TFDP2: variants seen among roughly 807,000 people sequenced by gnomAD.
TFDP2 encodes transcription factor Dp-2 (E2F dimerization partner 2).
TFDP2 carries 17 observed loss-of-function variants against 59.3 expected under a neutral mutation model. The ratio of observed to expected loss-of-function variants is 0.29; its 90% confidence interval spans 0.20 to 0.43. The LOEUF (loss-of-function observed/expected upper bound fraction) is 0.43. TFDP2 is among the 20% of genes least tolerant of loss of function. The pLI is 1.00. For missense variants in TFDP2, 391 were observed against 528.8 expected, an observed-to-expected ratio of 0.74 and a Z score of 2.56; for synonymous variants, 180 against 194.7, an observed-to-expected ratio of 0.92 and a Z score of 0.63.
intron 9 of TFDP2, among the ~76,000 whole-genome samples, chr3:141,968,677 C>G (rs1246651242): frequency 9.8e-6 from 1 of 102,206 alleles, no homozygotes; most frequent in Non-Finnish European, 1.8e-5. Context: ...ACATATATAT[C>G]TCATATATAG....
chr3:141,990,164 G>A (rs981668170), intron 6 of TFDP2, among the ~76,000 whole-genome samples: 3 of 152,170 alleles, frequency 2.0e-5, no homozygotes. Flanking sequence ...AAAGTACTGG[G>A]ATTACAGGCG....
intron 1 of TFDP2, among the ~76,000 whole-genome samples, chr3:142,113,313 C>CAGTG (rs1457352832): frequency 6.6e-6 from 1 of 152,044 alleles, no homozygotes; most frequent in Non-Finnish European, 1.5e-5. Context: ...GAATGGAGTG[C>CAGTG]AGTGGCATGA....
At position 142,093,146 on chromosome 3, in the gene TFDP2, A is replaced by G. The variant is rs1438325283; in HGVS notation, c.16-19T>C. ...AACCAACCTGAATAAAACCGTTTAA[A>G]AAGTTAAAAATAGAATATTAAGTAG... On this transcript the variant is annotated intron_variant, in intron 2 of 12. Transcript: ENST00000489671. The G allele has an allele frequency of 2.6e-6, 4 of 1,517,286 alleles. No homozygotes were observed. The highest frequency in any genetic ancestry group is 1.7e-4 in the Middle Eastern group (1 of 5,906). 94.0% of individuals were successfully genotyped at this position (1,517,286 alleles called of 1,614,324 possible).
intron 3 of TFDP2, among the ~76,000 whole-genome samples, chr3:142,012,854 T>C (rs11569182): frequency 2.0e-5 from 3 of 152,080 alleles, no homozygotes; most frequent in African/African-American, 7.2e-5. Flanking sequence ...TAAAAGCTAC[T>C]GTTGCCAGGC....
At chr3:141,959,624 G>C in intron 11 of TFDP2, 50 bp downstream of exon 11, 1 of 1,575,308 alleles carries the variant, frequency 6.3e-7, no homozygotes. Context: ...TAACAAGTTT[G>C]GATTCAACAT....
At position 142,073,182 on chromosome 3, in the gene TFDP2, G is replaced by C. The variant is rs1049373823; in HGVS notation, c.82+19879C>G. Reference sequence around the variant, plus strand: ...ACTCCTGGGCTCAAGTGATCCTCCCGCCTCAGCCTCCTGAGTAGCTAGGAG... The same window carrying C: ...ACTCCTGGGCTCAAGTGATCCTCCCCCCTCAGCCTCCTGAGTAGCTAGGAG... On this transcript the variant is annotated intron_variant, in intron 3 of 12. Coordinates refer to ENST00000489671, the MANE Select transcript of TFDP2 (RefSeq NM_001178139.2). Among the ~76,000 whole-genome samples the C allele has an allele frequency of 5.3e-5, 8 of 152,212 alleles. No individual in the cohort carries two copies. In the East Asian group the frequency reaches 1.5e-3, roughly 29 times the overall value.
intron 2 of TFDP2, among the ~76,000 whole-genome samples, chr3:142,095,695 A>G (rs2061137901): frequency 6.6e-6 from 1 of 152,230 alleles, no homozygotes; most frequent in African/African-American, 2.4e-5. Context: ...TTGCTCACAA[A>G]TAATGTTAAA....
chr3:141,995,012 A>G lies in TFDP2; in HGVS notation c.308+8T>C. The G allele has an allele frequency of 2.6e-6, 4 of 1,548,708 alleles. No homozygotes were observed. Among genetic ancestry groups the G allele is most frequent in the Non-Finnish European group, 3.5e-6 (4 of 1,149,288 alleles). On this transcript the variant is annotated splice_region_variant and intron_variant, in intron 5 of 12. Coordinates refer to ENST00000489671, the MANE Select transcript of TFDP2 (RefSeq NM_001178139.2). ...GGTTTTAAAAATAGTAACTTGCAAC[A>G]CTCTTACCCAGGGACCCAGCCAGTA... is the stretch of plus-strand genomic sequence containing the variant.
intron 9 of TFDP2, among the ~76,000 whole-genome samples, chr3:141,969,165 CATATATATATATCTCAT>C (rs1939206731): frequency 2.4e-5 from 1 of 41,164 alleles, no homozygotes; most frequent in Non-Finnish European, 4.2e-5. Context: ...ATATATATAA[CATATATATATATCTCAT>C]ATATATGAGA....
chr3:141,997,849 C>CAAAAAAAAAA (rs3058569), intron 4 of TFDP2, among the ~76,000 whole-genome samples: 33 of 83,970 alleles, frequency 3.9e-4, no homozygotes, highest in African/African-American at 5.1e-4. Context: ...GACTCCATCT[C>CAAAAAAAAAA]AAAAAAAAAA....
chr3:141,988,656 A>T (rs1030584919), intron 6 of TFDP2, among the ~76,000 whole-genome samples: 25 of 147,930 alleles, frequency 1.7e-4, no homozygotes, highest in African/African-American at 6.1e-4. Context: ...TGTTTTTAGC[A>T]ATCTTTTCTT....
At chr3:142,020,668 A>G (rs554662722) in intron 3 of TFDP2, among the ~76,000 whole-genome samples, 19 of 147,094 alleles carry the variant, frequency 1.3e-4, no homozygotes, top group Non-Finnish European at 1.6e-4. Flanking sequence ...ATACTCATAT[A>G]CCTTTTTCTT....
intron 2 of TFDP2, among the ~76,000 whole-genome samples, chr3:142,100,765 T>C (rs1161732835): frequency 6.6e-6 from 1 of 152,150 alleles, no homozygotes; most frequent in African/African-American, 2.4e-5. Flanking sequence ...TCCACCATCC[T>C]GGCTGGGGAA....
chr3:142,015,537 CA>C (rs1945065385), intron 3 of TFDP2, among the ~76,000 whole-genome samples: 1 of 152,216 alleles, frequency 6.6e-6, no homozygotes, highest in South Asian at 2.1e-4. Context: ...ATAAGTCCCG[CA>C]AGCTGGATCT....
rs867318565 is a variant in TFDP2, at chr3:141,979,852, G to A, written c.357-1170C>T. Among the ~76,000 whole-genome samples the A allele has an allele frequency of 2.0e-5, 3 of 151,728 alleles. No individual in the cohort carries two copies. In the Middle Eastern group the frequency reaches 0.01, roughly 523 times the overall value. ...GATCTGCCTGCCTCGGCCTCCCAAA[G>A]TGCTGGGATTACAGGCGTGAGCCAC... On this transcript the variant is annotated intron_variant, in intron 6 of 12. Transcript: ENST00000489671.
Position 142,090,432 on chromosome 3 carries a change from G to A in TFDP2, c.82+2629C>T, listed in dbSNP as rs193257340. The stretch of plus-strand genomic sequence containing the variant: ...TTTACTGGTGTTAACATCTGTCCAG[G>A]GCTAACATTTATAACTAGTACTTAC... On this transcript the variant is annotated intron_variant, in intron 3 of 12. Transcript: ENST00000489671. 3.4e-3 allele frequency among the ~76,000 whole-genome samples: 514 copies of A among 152,092 alleles called. 2 individuals carry two copies. Among genetic ancestry groups the A allele is most frequent in the African/African-American group, 0.012 (501 of 41,492 alleles).
intron 10 of TFDP2, among the ~76,000 whole-genome samples, chr3:141,962,020 G>T (rs1470435752): frequency 2.0e-5 from 3 of 151,782 alleles, no homozygotes; most frequent in Non-Finnish European, 2.9e-5. Flanking sequence ...ACAATCTTGG[G>T]TCACTGCAAC....
At chr3:141,969,275 T>G (rs1156843908) in intron 9 of TFDP2, among the ~76,000 whole-genome samples, 10 of 84,468 alleles carry the variant, frequency 1.2e-4, no homozygotes, top group African/African-American at 5.8e-4. Context: ...ATATATGAGA[T>G]ATATATATAT....
At position 142,147,113 on chromosome 3, in the gene TFDP2, C is replaced by A. The variant is rs576014624; in HGVS notation, c.-93+2070G>T. Among the ~76,000 whole-genome samples, 4 of 150,532 alleles carry A rather than the reference C, an allele frequency of 2.7e-5. 1 individual carries two copies. Among genetic ancestry groups the A allele is most frequent in the African/African-American group, 9.8e-5 (4 of 40,978 alleles). ...TATCTTTGCCTCAGAAACTATGACA[C>A]TATAAATAGTCTCTCCAAAAAATAT... is the stretch of plus-strand genomic sequence containing the variant. On this transcript the variant is annotated intron_variant, in intron 1 of 12. Transcript: ENST00000489671.
Sources: gnomAD v4.1 joint callset for allele counts (sites outside exome capture counted in the v4.1 genomes callset) on GRCh38, gnomAD v4.1.1 for gene constraint, MANE v1.5 for transcripts, NCBI Gene and HGNC (gene_info 2026-07-23, HGNC 2026-07-21) for gene names.